The following NAV1 variants were observed in gnomAD, a reference collection of about 807,000 sequenced individuals.
NAV1 encodes the protein neuron navigator 1.
Under a neutral mutation model 175.2 loss-of-function variants are expected in NAV1, and 18 were observed. The observed-to-expected ratio is 0.10, with a 90% CI of 0.07 to 0.15. NAV1 has a LOEUF of 0.15. NAV1 is among the 10% of genes least tolerant of loss of function. The probability of loss-of-function intolerance (pLI) is 1.00; values close to 1 mark genes in which losing one functional copy is unlikely to be tolerated. For missense variants in NAV1, 1,731 were observed against 2,436.6 expected (o/e 0.71, Z 6.10); for synonymous variants, 897 against 978.7 (o/e 0.92, Z 1.56).
At chr1:201,656,319 A>G (rs906031188) in intron 1 of NAV1, among the ~76,000 whole-genome samples, 9 of 152,204 alleles carry the variant, frequency 5.9e-5, no homozygotes, top group African/African-American at 2.2e-4. Context: ...AGAGGTGTGG[A>G]AAGCAGGGAC....
At chr1:201,692,112 T>G (rs1410972545) in intron 1 of NAV1, among the ~76,000 whole-genome samples, 2 of 152,236 alleles carry the variant, frequency 1.3e-5, no homozygotes, top group Non-Finnish European at 2.9e-5. Context: ...CCCTGCTGTC[T>G]CACCCGTTAT....
At chr1:201,735,456 A>T (rs747571354) in intron 3 of NAV1, among the ~76,000 whole-genome samples, 4 of 152,202 alleles carry the variant, frequency 2.6e-5, no homozygotes, top group Admixed American at 6.5e-5. Context: ...GAGGTTGAGG[A>T]GGAAAGACAG....
intron 3 of NAV1, chr1:201,739,666 C>A: frequency 1.8e-6 from 1 of 556,554 alleles, no homozygotes; most frequent in Non-Finnish European, 2.4e-6. Flanking sequence ...AGGTCGAGCC[C>A]CCAGCCCCGT....
chr1:201,644,400 G>T (rs535799451), upstream of NAV1, among the ~76,000 whole-genome samples: 2 of 152,330 alleles, frequency 1.3e-5, no homozygotes, highest in African/African-American at 4.8e-5. Context: ...GCAGCAGAGT[G>T]CTCCCACTGC....
At chr1:201,799,176 C>CTGTGTGTG (rs56994916) in intron 15 of NAV1, among the ~76,000 whole-genome samples, 24,139 of 150,624 alleles carry the variant, frequency 0.16, 2,403 homozygotes, top group South Asian at 0.24. Context: ...GTTCAAGAAA[C>CTGTGTGTG]TGTGTGTGTG....
At chr1:201,571,375 C>T (rs1666539147) in intron 1 of NAV1, among the ~76,000 whole-genome samples, 2 of 152,238 alleles carry the variant, frequency 1.3e-5, no homozygotes, top group Admixed American at 1.3e-4. Context: ...AGCTCCCTTT[C>T]CTACATAGTC....
intron 1 of NAV1, among the ~76,000 whole-genome samples, chr1:201,549,079 C>CTT (rs1491221813): frequency 4.0e-5 from 1 of 25,316 alleles, no homozygotes; most frequent in Non-Finnish European, 1.1e-4. Context: ...CTAGTTTTCT[C>CTT]TTTCTTTCTT....
chr1:201,607,052 A>G (rs1027707459), intron 2 of NAV1, among the ~76,000 whole-genome samples: 2 of 152,122 alleles, frequency 1.3e-5, no homozygotes, highest in African/African-American at 4.8e-5. Context: ...GTTATACATA[A>G]TAGTGGAAAA....
intron 1 of NAV1, among the ~76,000 whole-genome samples, chr1:201,703,523 C>T (rs1053243845): frequency 1.1e-4 from 16 of 151,874 alleles, no homozygotes; most frequent in Non-Finnish European, 1.6e-4. Flanking sequence ...AAACAGGGCT[C>T]GAGGCCAGGC....
At chr1:201,550,456 A>T (rs1354815566) in intron 1 of NAV1, among the ~76,000 whole-genome samples, 2 of 152,194 alleles carry the variant, frequency 1.3e-5, no homozygotes, top group African/African-American at 4.8e-5. Context: ...ACAAGGGTGA[A>T]CCACCATCCT....
rs116236061 is a variant in NAV1 at position 201,761,150 on chromosome 1, T to G, written c.1227-19271T>G. Among the ~76,000 whole-genome samples the G allele has an allele frequency of 1.1e-3, 165 of 152,328 alleles. 2 individuals are homozygous for G. The highest frequency in any genetic ancestry group is 3.9e-3 in the African/African-American group (163 of 41,574). On this transcript the variant is annotated intron_variant, in intron 3 of 29. Transcript: ENST00000367296. ...ACAGAAAAAAGATGACCTCCTCAGC[T>G]TTTGTAGAAACACTAAAGAAGACGT...
intron 2 of NAV1, among the ~76,000 whole-genome samples, chr1:201,593,239 C>A (rs1667255406): frequency 6.6e-6 from 1 of 152,200 alleles, no homozygotes; most frequent in African/African-American, 2.4e-5. Flanking sequence ...GCCCCATCGT[C>A]TCCAGCTTCA....
intron 1 of NAV1, among the ~76,000 whole-genome samples, chr1:201,559,896 G>T (rs376120797): frequency 2.0e-5 from 3 of 152,184 alleles, no homozygotes; most frequent in African/African-American, 7.2e-5. Context: ...TATGCAGGCA[G>T]CTCGCAGCTC....
rs776139888 is a variant in NAV1 at position 201,648,808 on chromosome 1, C to G, written c.140C>G (p.Ala47Gly). The change falls in exon 1 of 30, where the codon GCC (alanine) becomes GGC (glycine). Residue 47 changes from alanine to glycine, a missense_variant. Physicochemically the swap from Ala to Gly is moderately conservative, Grantham distance 60. Around this residue, in one of 13 missense-constraint regions of NAV1, gnomAD observed 487 missense variants for 581.3 expected, o/e 0.84. Transcript: ENST00000367296. ...GGCAGAGGCATGCTGCCCAAGCGCG[C>G]CAAGGCGCCCGGCGGCGGCGGCGGC... 6.2e-5 allele frequency: 97 copies of G among 1,563,598 alleles called. No homozygotes were observed. The highest frequency in any genetic ancestry group is 3.0e-4 in the South Asian group (26 of 85,412).
chr1:201,722,102 T>TAA (rs1418301030), intron 3 of NAV1, among the ~76,000 whole-genome samples: 4 of 152,266 alleles, frequency 2.6e-5, no homozygotes, highest in Non-Finnish European at 2.9e-5. Context: ...TATATATATA[T>TAA]AACATAAAAT....
intron 1 of NAV1, among the ~76,000 whole-genome samples, chr1:201,629,076 G>A (rs894629388): frequency 6.6e-6 from 1 of 152,178 alleles, no homozygotes; most frequent in Non-Finnish European, 1.5e-5. Context: ...AGGACCCAAG[G>A]CCTGGAGTTG....
intron 13 of NAV1, chr1:201,793,221 G>A (rs183904483): frequency 6.5e-6 from 1 of 152,996 alleles, no homozygotes; most frequent in African/African-American, 2.4e-5. Flanking sequence ...ACACCTAGTG[G>A]CCAAACGGTG....
intron 1 of NAV1, among the ~76,000 whole-genome samples, chr1:201,676,096 C>T (rs930273084): frequency 2.6e-5 from 4 of 152,150 alleles, no homozygotes; most frequent in African/African-American, 9.7e-5. Context: ...GTTCTGCTTC[C>T]TACCCTATTG....
exon 7 of NAV1, chr1:201,783,767 C>T (rs891105701): frequency 1.2e-6 from 2 of 1,614,146 alleles, no homozygotes; most frequent in Non-Finnish European, 1.7e-6. Flanking sequence ...CGTCCCCACC[C>T]CACCTGCTCC....
Sources: gnomAD v4.1 joint callset for allele counts (sites outside exome capture counted in the v4.1 genomes callset) on GRCh38, gnomAD v4.1.1 for gene constraint, gnomAD v4.1.1 regional missense constraint, MANE v1.5 for transcripts, NCBI Gene and HGNC (gene_info 2026-07-23, HGNC 2026-07-21) for gene names.